RASGRP3: variants seen among roughly 807,000 people sequenced by gnomAD.
The protein encoded by RASGRP3 is RAS guanyl releasing protein 3.
In RASGRP3, 54 loss-of-function variants were observed where a neutral mutation model predicts 82.7. The ratio of observed to expected loss-of-function variants is 0.65; its 90% CI spans 0.52 to 0.82. The LOEUF (loss-of-function observed/expected upper bound fraction) is 0.82. Ranked by LOEUF, RASGRP3 falls within the 40% of genes least tolerant of loss-of-function variation. RASGRP3 has a pLI of 0.00. For missense variants in RASGRP3, 861 were observed against 828.9 expected (o/e 1.04, Z -0.48); for synonymous variants, 309 against 300.5 (o/e 1.03, Z -0.29).
At position 33,519,939 on chromosome 2, in the gene RASGRP3, T is replaced by C. The variant is rs993252482; in HGVS notation, c.174-13T>C. 5 of 1,602,140 alleles carry C rather than the reference T, an allele frequency of 3.1e-6. No homozygotes were observed. The African/African-American group carries it at 6.7e-5, about 21-fold the overall frequency. On this transcript the variant is annotated splice_polypyrimidine_tract_variant and intron_variant, in intron 4 of 17. Coordinates refer to ENST00000403687, the MANE Select transcript of RASGRP3 (RefSeq NM_001139488.2). ...AAGGAGGTGCAAGGATTTTTTTTCTTTAACTGGTTTACGTATCGAAATGCC... is the reference window on the plus strand; with the variant it reads ...AAGGAGGTGCAAGGATTTTTTTTCTCTAACTGGTTTACGTATCGAAATGCC...
Position 33,514,991 on chromosome 2 carries a change from C to G in RASGRP3, c.-127-19C>G. 2.8e-6 allele frequency: 2 copies of G among 720,036 alleles called. No homozygotes were observed. Among genetic ancestry groups the G allele is most frequent in the South Asian group, 3.6e-5 (2 of 55,452 alleles). The allele number at this position is 720,036 out of a possible 1,614,324, so 44.6% of individuals were successfully genotyped here. ...GAACTCTAGTCTAATAACTTTCTCT[C>G]TTTTTTCTTTTTTTTTAGAGTTTTC... On this transcript the variant is annotated intron_variant, in intron 2 of 17. Coordinates refer to ENST00000403687, the MANE Select transcript of RASGRP3 (RefSeq NM_001139488.2).
intron 1 of RASGRP3, among the ~76,000 whole-genome samples, chr2:33,439,447 C>A (rs1665104547): frequency 6.6e-6 from 1 of 152,096 alleles, no homozygotes; most frequent in South Asian, 2.1e-4. Flanking sequence ...ACAGGAATGG[C>A]CTTCCTGCGC....
At chr2:33,562,266 T>C (rs1485397967) in intron 17 of RASGRP3, among the ~76,000 whole-genome samples, 1 of 100,374 alleles carries the variant, frequency 1.0e-5, no homozygotes, top group Non-Finnish European at 2.2e-5. Flanking sequence ...GATCTCTCTC[T>C]CTTTTTTTTT....
At chr2:33,560,598 C>T (rs145047575) in intron 17 of RASGRP3, among the ~76,000 whole-genome samples, 3 of 152,316 alleles carry the variant, frequency 2.0e-5, no homozygotes, top group African/African-American at 7.2e-5. Flanking sequence ...AATCATTGTG[C>T]AAGAAGATTT....
At chr2:33,512,826 C>G (rs185501252) in intron 2 of RASGRP3, among the ~76,000 whole-genome samples, 3 of 152,116 alleles carry the variant, frequency 2.0e-5, no homozygotes, top group East Asian at 3.9e-4. Flanking sequence ...AAGGTGTATA[C>G]CAGAGAACAA....
chr2:33,462,807 C>A (rs1056792710), intron 2 of RASGRP3, among the ~76,000 whole-genome samples: 2 of 152,198 alleles, frequency 1.3e-5, no homozygotes, highest in African/African-American at 4.8e-5. Context: ...TCATTTATCC[C>A]TGAATCAGCT....
chr2:33,519,063 T>A (rs1671745178), intron 4 of RASGRP3, among the ~76,000 whole-genome samples: 1 of 152,194 alleles, frequency 6.6e-6, no homozygotes, highest in African/African-American at 2.4e-5. Flanking sequence ...ATACTATACA[T>A]AACTGTGCAC....
chr2:33,542,862 A>T (rs537456328), intron 12 of RASGRP3, among the ~76,000 whole-genome samples: 70 of 151,052 alleles, frequency 4.6e-4, no homozygotes, highest in Non-Finnish European at 8.3e-4. Flanking sequence ...TTCTTATTTT[A>T]TTTTATTTTT....
At chr2:33,472,718 A>C (rs746876491), upstream of RASGRP3, among the ~76,000 whole-genome samples, 1 of 151,952 alleles carries the variant, frequency 6.6e-6, no homozygotes, top group African/African-American at 2.4e-5. Flanking sequence ...GCACTTTGGG[A>C]GGCTGAGGCG....
chr2:33,516,909 C>A (rs574888282), intron 4 of RASGRP3: 1 of 299,330 alleles, frequency 3.3e-6, no homozygotes, highest in African/African-American at 2.2e-5. Context: ...ATGTTTCTAA[C>A]TTGTCTTAAA....
intron 2 of RASGRP3, among the ~76,000 whole-genome samples, chr2:33,460,385 G>A (rs1666292754): frequency 6.6e-6 from 1 of 152,084 alleles, no homozygotes; most frequent in South Asian, 2.1e-4. Flanking sequence ...TTTTGATACA[G>A]GATAGAGAAA....
At chr2:33,534,970 T>G (rs1388197356) in intron 11 of RASGRP3, among the ~76,000 whole-genome samples, 1 of 152,152 alleles carries the variant, frequency 6.6e-6, no homozygotes, top group Non-Finnish European at 1.5e-5. Context: ...TTCTATTTGT[T>G]GTGTTCCTGC....
chr2:33,450,822 C>CTT lies in RASGRP3; in HGVS notation c.-261+2911_-261+2912dup, dbSNP rs1170217165. Among the ~76,000 whole-genome samples, 174 of 18,978 alleles carry CTT rather than the reference C, an allele frequency of 9.2e-3. 22 individuals are homozygous for CTT. The highest frequency in any genetic ancestry group is 0.057 in the East Asian group (36 of 630). 12.5% of individuals were successfully genotyped at this position (18,978 alleles called of 152,430 possible). A position where few individuals can be genotyped will look rare whatever the true frequency, so the allele number is the denominator to read the frequency against. On this transcript the variant is annotated intron_variant, in intron 2 of 18. Transcript: ENST00000402538. Reference sequence around the variant, plus strand: ...TCTTTCTTTTTCTCTTTCTTTCTTTCTTTTTTTTTTTTTTTTTTTTTTTTT... The same window carrying CTT: ...TCTTTCTTTTTCTCTTTCTTTCTTTCTTTTTTTTTTTTTTTTTTTTTTTTTTT...
At chr2:33,521,885 G>A in intron 6 of RASGRP3, 70 bp from the exon 7 acceptor site, 9 of 1,527,858 alleles carry the variant, frequency 5.9e-6, no homozygotes, top group Non-Finnish European at 7.9e-6. Flanking sequence ...TGCAGAGTCA[G>A]TAGGTTAATA....
chr2:33,555,411 G>A, intron 14 of RASGRP3, 120 bp from the exon 15 acceptor site: 1 of 719,750 alleles, frequency 1.4e-6, no homozygotes, highest in South Asian at 1.9e-5. Flanking sequence ...GTTAAAAGTG[G>A]CTACATCCTG....
intron 13 of RASGRP3, among the ~76,000 whole-genome samples, chr2:33,545,478 C>T (rs570945143): frequency 3.3e-4 from 50 of 152,176 alleles, no homozygotes; most frequent in Non-Finnish European, 5.3e-4. Context: ...TGGTGTATTA[C>T]GCTGTGAGTC....
Position 33,527,166 on chromosome 2 carries a change from C to T in RASGRP3, c.837C>T (p.Ser279=), listed in dbSNP as rs769577504. 20 of 1,613,934 alleles carry T rather than the reference C, an allele frequency of 1.2e-5. No individual in the cohort carries two copies. The highest frequency in any genetic ancestry group is 1.6e-5 in the Non-Finnish European group (19 of 1,179,900). ...GGAATGAAATGACAGAGTTGGTCTC[C>T]TCCAACGGCAATTACTGCAATTACC... ...KNWNEMTELV[S]SNGNYCNYRK... The change falls in exon 10 of 18, where the codon TCC becomes TCT. Residue 279 remains serine (S), a synonymous_variant. Coordinates refer to ENST00000403687, the MANE Select transcript of RASGRP3 (RefSeq NM_001139488.2).
chr2:33,473,626 G>A (rs1201873536), upstream of RASGRP3, among the ~76,000 whole-genome samples: 2 of 152,242 alleles, frequency 1.3e-5, no homozygotes, highest in Non-Finnish European at 2.9e-5. Context: ...GGGAGTGTGG[G>A]CAGAAAGATG....
chr2:33,539,211 G>C lies in RASGRP3; in HGVS notation c.1278+1G>C. The stretch of plus-strand genomic sequence containing the variant: ...CAAGCACATAAGGAAATTAGTGGAG[G>C]TAAGTGGTTGAGGGAGAATAAAGAG... On this transcript the variant is annotated splice_donor_variant, in intron 12 of 17. Coordinates refer to ENST00000403687, the MANE Select transcript of RASGRP3 (RefSeq NM_001139488.2). LOFTEE classifies it high-confidence loss of function. 1.9e-6 allele frequency: 3 copies of C among 1,593,510 alleles called. No homozygotes were observed. Among genetic ancestry groups the C allele is most frequent in the Non-Finnish European group, 1.7e-6 (2 of 1,167,078 alleles).
Sources: gnomAD v4.1 joint callset for allele counts (sites outside exome capture counted in the v4.1 genomes callset) on GRCh38, gnomAD v4.1.1 for gene constraint, MANE v1.5 for transcripts, NCBI Gene and HGNC (gene_info 2026-07-23, HGNC 2026-07-21) for gene names.